GRIK1: variants seen among roughly 807,000 people sequenced by gnomAD.
The protein encoded by GRIK1 is glutamate ionotropic receptor kainate type subunit 1.
In GRIK1, 69 loss-of-function variants were observed where a neutral mutation model predicts 105.7. The ratio of observed to expected loss-of-function variants is 0.65; its 90% CI spans 0.54 to 0.80. GRIK1 has a LOEUF of 0.80. Among genes scored for constraint, GRIK1 ranks in the 30% least tolerant of loss-of-function variants. The probability of loss-of-function intolerance (pLI) is 0.00; values close to 1 mark genes in which losing one functional copy is unlikely to be tolerated. For synonymous variants in GRIK1, 438 were observed against 431.3 expected (o/e 1.02, Z -0.19); for missense variants, 1,109 against 1,167.3 (o/e 0.95, Z 0.73).
rs2090916105 is a variant in GRIK1 at position 29,577,192 on chromosome 21, A to G, written c.1913-11T>C. ...GCATCAGCTCTGATCCTGTGATGGT[A>G]TCATCAGAGTAAGGGTGTTAAACAC... On this transcript the variant is annotated splice_polypyrimidine_tract_variant and intron_variant, in intron 13 of 17. Transcript: ENST00000327783. 2 of 1,462,182 alleles carry G rather than the reference A, an allele frequency of 1.4e-6. No individual in the cohort carries two copies. Among genetic ancestry groups the G allele is most frequent in the African/African-American group, 1.4e-5 (1 of 72,136 alleles). The allele number at this position is 1,462,182 out of a possible 1,614,324, so 90.6% of individuals were successfully genotyped here.
chr21:29,847,038 C>G lies in GRIK1; in HGVS notation c.118+92345G>C, dbSNP rs1344615860. ...TCGACCTCCTACTCTCTTCTCAACACTTTATTTTACTGGCTCTTCTTCTTT... is the reference window on the plus strand; with the variant it reads ...TCGACCTCCTACTCTCTTCTCAACAGTTTATTTTACTGGCTCTTCTTCTTT... On this transcript the variant is annotated intron_variant, in intron 1 of 17. Transcript: ENST00000327783. Among the ~76,000 whole-genome samples, 3 of 152,170 alleles carry G rather than the reference C, an allele frequency of 2.0e-5. No individual in the cohort carries two copies. In the East Asian group the frequency reaches 5.8e-4, roughly 29 times the overall value.
intron 4 of GRIK1, among the ~76,000 whole-genome samples, chr21:29,664,929 T>C (rs1221362756): frequency 1.3e-5 from 2 of 152,200 alleles, no homozygotes; most frequent in Non-Finnish European, 2.9e-5. Flanking sequence ...TGAAGTTTGT[T>C]GATCCAATAG....
At chr21:29,846,062 C>G (rs1232928311) in intron 1 of GRIK1, among the ~76,000 whole-genome samples, 4 of 152,080 alleles carry the variant, frequency 2.6e-5, no homozygotes, top group Non-Finnish European at 5.9e-5. Flanking sequence ...ATCCTCCTCC[C>G]CACTGGCCAA....
intron 1 of GRIK1, among the ~76,000 whole-genome samples, chr21:29,834,887 T>C (rs2067744263): frequency 1.3e-5 from 2 of 151,276 alleles, no homozygotes; most frequent in Non-Finnish European, 2.9e-5. Context: ...TAATTAATAT[T>C]AATTATTAGT....
intron 1 of GRIK1, among the ~76,000 whole-genome samples, chr21:29,862,976 T>C (rs1445616486): frequency 6.6e-6 from 1 of 152,226 alleles, no homozygotes; most frequent in African/African-American, 2.4e-5. Context: ...TGTATAAAGA[T>C]TTATAAAGAT....
At chr21:29,624,168 G>T (rs959125343) in intron 7 of GRIK1, among the ~76,000 whole-genome samples, 1 of 152,030 alleles carries the variant, frequency 6.6e-6, no homozygotes, top group Non-Finnish European at 1.5e-5. Flanking sequence ...TAAAATATTT[G>T]GCAGTGACTA....
At chr21:29,743,976 G>A (rs982239834) in intron 1 of GRIK1, among the ~76,000 whole-genome samples, 4 of 152,074 alleles carry the variant, frequency 2.6e-5, no homozygotes, top group African/African-American at 7.2e-5. Flanking sequence ...TAACTAATGG[G>A]TACTAGGCTT....
chr21:29,859,813 C>T (rs140582808), intron 1 of GRIK1, among the ~76,000 whole-genome samples: 195 of 152,308 alleles, frequency 1.3e-3, no homozygotes, highest in Non-Finnish European at 2.2e-3. Flanking sequence ...TGAATTCTGC[C>T]TCTGCTCTTT....
intron 1 of GRIK1, among the ~76,000 whole-genome samples, chr21:29,917,965 T>C (rs2071056017): frequency 6.6e-6 from 1 of 151,920 alleles, no homozygotes; most frequent in Non-Finnish European, 1.5e-5. Context: ...CCCCCCTGAC[T>C]AAGAGATTAT....
At chr21:29,859,201 G>A (rs766080571) in intron 1 of GRIK1, among the ~76,000 whole-genome samples, 3 of 149,988 alleles carry the variant, frequency 2.0e-5, no homozygotes, top group African/African-American at 7.4e-5. Flanking sequence ...ATCACACACC[G>A]GGGCCTGTTG....
intron 1 of GRIK1, among the ~76,000 whole-genome samples, chr21:29,824,501 T>A (rs976252860): frequency 1.3e-5 from 2 of 151,870 alleles, no homozygotes; most frequent in Non-Finnish European, 2.9e-5. Context: ...GTATGGGAAG[T>A]GGGCAAGGAG....
Position 29,833,016 on chromosome 21 carries a change from A to T in GRIK1, c.118+106367T>A, listed in dbSNP as rs1166246803. Among the ~76,000 whole-genome samples the T allele has an allele frequency of 2.0e-5, 3 of 152,258 alleles. No homozygotes were observed. The East Asian group carries it at 5.8e-4, about 29-fold the overall frequency. ...TTCTTGAACATTTTACTGCTTAGAA[A>T]TTTCTTCTGCCAGATATCCTAAATC... On this transcript the variant is annotated intron_variant, in intron 1 of 17. Transcript: ENST00000327783.
chr21:29,692,446 A>G (rs2063603096), intron 2 of GRIK1, among the ~76,000 whole-genome samples: 1 of 152,232 alleles, frequency 6.6e-6, no homozygotes, highest in Non-Finnish European at 1.5e-5. Flanking sequence ...CTGTATAAGT[A>G]TATAGTTTTA....
chr21:29,758,636 T>G (rs2065416623), intron 1 of GRIK1, among the ~76,000 whole-genome samples: 1 of 152,224 alleles, frequency 6.6e-6, no homozygotes, highest in African/African-American at 2.4e-5. Context: ...ACAGATTATT[T>G]TGACGTTGTT....
At chr21:29,705,471 C>T (rs1435485417) in intron 1 of GRIK1, among the ~76,000 whole-genome samples, 1 of 152,166 alleles carries the variant, frequency 6.6e-6, no homozygotes, top group African/African-American at 2.4e-5. Flanking sequence ...TTCCTTGTAA[C>T]CGTGACATGC....
intron 1 of GRIK1, among the ~76,000 whole-genome samples, chr21:29,901,641 A>C (rs1470408247): frequency 6.6e-6 from 1 of 152,160 alleles, no homozygotes; most frequent in Non-Finnish European, 1.5e-5. Context: ...TCTGAAATTG[A>C]GCCAATAATT....
At chr21:29,543,313 A>C (rs2089999959) in intron 16 of GRIK1, among the ~76,000 whole-genome samples, 1 of 152,158 alleles carries the variant, frequency 6.6e-6, no homozygotes, top group Non-Finnish European at 1.5e-5. Context: ...GTATTTAGGG[A>C]TTTGCAACAT....
chr21:29,872,510 C>CA (rs1261601537), intron 1 of GRIK1, among the ~76,000 whole-genome samples: 1 of 152,134 alleles, frequency 6.6e-6, no homozygotes, highest in Admixed American at 6.5e-5. Context: ...GGATATAACT[C>CA]AAAGTCGCCT....
intron 1 of GRIK1, among the ~76,000 whole-genome samples, chr21:29,896,450 T>C (rs1028026261): frequency 6.6e-6 from 1 of 152,152 alleles, no homozygotes; most frequent in Non-Finnish European, 1.5e-5. Flanking sequence ...TCTTTGAAGA[T>C]GGGGAATTTT....
Sources: allele counts gnomAD v4.1 joint callset (sites outside exome capture counted in the v4.1 genomes callset), GRCh38; gene constraint gnomAD v4.1.1; transcripts MANE v1.5; gene names NCBI Gene and HGNC (gene_info 2026-07-23, HGNC 2026-07-21).